The following CFDP1 variants were observed in gnomAD, a reference collection of about 807,000 sequenced individuals.
The protein encoded by CFDP1 is chromatin remodeling protein CFDP1.
A neutral mutation model predicts 40.1 loss-of-function variants in CFDP1; 31 were observed. That is an observed-to-expected ratio of 0.77 (90% confidence interval 0.58 to 1.04). CFDP1 has a LOEUF of 1.04. Among genes scored for constraint, CFDP1 ranks in the 50% least tolerant of loss-of-function variants. The probability of loss-of-function intolerance (pLI) is 0.00; values close to 1 mark genes in which losing one functional copy is unlikely to be tolerated. For synonymous variants in CFDP1, 167 were observed against 120.0 expected (o/e 1.39, Z -2.56); for missense variants, 423 against 343.4 (o/e 1.23, Z -1.83).
At chr16:75,323,869 G>C (rs983640751) in intron 5 of CFDP1, among the ~76,000 whole-genome samples, 17 of 151,910 alleles carry the variant, frequency 1.1e-4, no homozygotes, top group African/African-American at 4.1e-4. Context: ...TGGTAGGTTT[G>C]TTTACACCAG....
At chr16:75,405,065 T>C (rs2079086753) in intron 4 of CFDP1, among the ~76,000 whole-genome samples, 1 of 152,206 alleles carries the variant, frequency 6.6e-6, no homozygotes, top group African/African-American at 2.4e-5. Flanking sequence ...ATTTAGAAAC[T>C]TGTTCAGCAA....
chr16:75,318,388 T>A (rs1454275698), intron 5 of CFDP1, among the ~76,000 whole-genome samples: 2 of 150,346 alleles, frequency 1.3e-5, no homozygotes, highest in African/African-American at 4.9e-5. Flanking sequence ...GATTAGGGAG[T>A]TGGCATGCTT....
At chr16:75,404,341 T>C (rs1437388977) in intron 4 of CFDP1, among the ~76,000 whole-genome samples, 3 of 150,196 alleles carry the variant, frequency 2.0e-5, no homozygotes, top group East Asian at 2.0e-4. Context: ...GTTCACGCCA[T>C]TGTCCTGCCT....
chr16:75,364,439 A>C (rs192611749), intron 5 of CFDP1, among the ~76,000 whole-genome samples: 4 of 152,132 alleles, frequency 2.6e-5, no homozygotes, highest in Non-Finnish European at 5.9e-5. Flanking sequence ...TTTTTCAGGG[A>C]GCTGAAAAGG....
At chr16:75,433,179 C>CA (rs1423623696) in intron 1 of CFDP1, 110 bp downstream of exon 1, 19 of 928,050 alleles carry the variant, frequency 2.0e-5, no homozygotes, top group East Asian at 2.9e-5. Context: ...AGAACAGGAG[C>CA]CCCCCTGGAC....
At chr16:75,295,766 AT>A (rs2078177894) in intron 6 of CFDP1, among the ~76,000 whole-genome samples, 1 of 152,226 alleles carries the variant, frequency 6.6e-6, no homozygotes. Flanking sequence ...GCCTGGCTGA[AT>A]TCGAACTTCA....
At chr16:75,306,004 GAAATA>G (rs1395083055) in intron 5 of CFDP1, among the ~76,000 whole-genome samples, 1 of 152,150 alleles carries the variant, frequency 6.6e-6, no homozygotes, top group Non-Finnish European at 1.5e-5. Context: ...TTAAACATAT[GAAATA>G]AAATAAGAAA....
At chr16:75,429,816 C>T (rs891118646) in intron 1 of CFDP1, among the ~76,000 whole-genome samples, 3 of 152,154 alleles carry the variant, frequency 2.0e-5, no homozygotes, top group Non-Finnish European at 2.9e-5. Flanking sequence ...GTCAAATTAG[C>T]AGTGTCGACG....
intron 1 of CFDP1, among the ~76,000 whole-genome samples, chr16:75,415,245 A>C (rs896877855): frequency 3.3e-5 from 5 of 152,198 alleles, no homozygotes; most frequent in African/African-American, 1.2e-4. Flanking sequence ...CTGACATTCA[A>C]GGGTCCCCAA....
chr16:75,416,518 T>C (rs1597398321), intron 1 of CFDP1, among the ~76,000 whole-genome samples: 1 of 149,764 alleles, frequency 6.7e-6, no homozygotes, highest in Non-Finnish European at 1.5e-5. Context: ...CTCAGCCCTT[T>C]GGGAGGCCGA....
chr16:75,412,789 A>G (rs370196418), intron 2 of CFDP1, 35 bp from the exon 3 acceptor site: 1 of 1,545,484 alleles, frequency 6.5e-7, no homozygotes, highest in Non-Finnish European at 8.9e-7. Context: ...AAGGAAAGAC[A>G]GCACAAAACG....
At chr16:75,425,378 C>G (rs1257247189) in intron 1 of CFDP1, among the ~76,000 whole-genome samples, 1 of 102,416 alleles carries the variant, frequency 9.8e-6, no homozygotes, top group Non-Finnish European at 2.0e-5. Context: ...CAGAGTGACA[C>G]TCCATCCCCC....
chr16:75,395,446 G>C (rs572797008), intron 4 of CFDP1, among the ~76,000 whole-genome samples: 1 of 151,978 alleles, frequency 6.6e-6, no homozygotes, highest in Non-Finnish European at 1.5e-5. Context: ...GGATCACAAG[G>C]TCAAGAGATC....
At chr16:75,347,838 C>G (rs894556706) in intron 5 of CFDP1, among the ~76,000 whole-genome samples, 5 of 152,136 alleles carry the variant, frequency 3.3e-5, no homozygotes, top group African/African-American at 7.2e-5. Context: ...CTGGTGGTCT[C>G]TCCAACATCC....
At chr16:75,420,842 A>AT (rs996599640) in intron 1 of CFDP1, among the ~76,000 whole-genome samples, 27 of 151,866 alleles carry the variant, frequency 1.8e-4, no homozygotes, top group Admixed American at 1.4e-3. Flanking sequence ...TAGTTCAACT[A>AT]TTTTTTTTAT....
At chr16:75,319,451 G>C (rs376941250) in intron 5 of CFDP1, among the ~76,000 whole-genome samples, 1 of 152,266 alleles carries the variant, frequency 6.6e-6, no homozygotes, top group South Asian at 2.1e-4. Context: ...CTGGGGTTGG[G>C]GGGGAACGTG....
intron 4 of CFDP1, among the ~76,000 whole-genome samples, chr16:75,410,055 CAAAAAAAAAAAAAAAA>C (rs150987819): frequency 3.8e-5 from 2 of 52,534 alleles, no homozygotes; most frequent in South Asian, 1.5e-3. Context: ...GACCCTTTCT[CAAAAAAAAAAAAAAAA>C]AAAAAAAAAA....
chr16:75,332,656 GAAAACCC>G (rs1163088557), intron 5 of CFDP1, among the ~76,000 whole-genome samples: 2 of 151,372 alleles, frequency 1.3e-5, no homozygotes, highest in Non-Finnish European at 2.9e-5. Flanking sequence ...AACAGAGCAA[GAAAACCC>G]TGTCTTGGGG....
At chr16:75,432,750 A>T (rs976641162) in intron 1 of CFDP1, among the ~76,000 whole-genome samples, 3 of 152,138 alleles carry the variant, frequency 2.0e-5, no homozygotes, top group African/African-American at 7.2e-5. Context: ...ATTCATTCTC[A>T]CCCCGTTCGG....
Sources: allele counts gnomAD v4.1 joint callset (sites outside exome capture counted in the v4.1 genomes callset), GRCh38; gene constraint gnomAD v4.1.1; transcripts MANE v1.5; gene names NCBI Gene and HGNC (gene_info 2026-07-23, HGNC 2026-07-21).